IPMK: variants seen among roughly 807,000 people sequenced by gnomAD.
IPMK encodes inositol polyphosphate multikinase.
A neutral mutation model predicts 45.8 loss-of-function variants in IPMK; 17 were observed. That is an observed-to-expected ratio of 0.37 (90% CI 0.25 to 0.56). IPMK has a LOEUF of 0.56. Among genes scored for constraint, IPMK ranks in the 20% least tolerant of loss-of-function variants. The pLI is 0.79. For missense variants in IPMK, 399 were observed against 498.0 expected (o/e 0.80, Z 1.89); for synonymous variants, 180 against 184.3 (o/e 0.98, Z 0.19).
In IPMK at chr10:58,234,311, C is replaced by T. The variant is rs569537614; in HGVS notation, c.276+3418G>A. On this transcript the variant is annotated intron_variant, in intron 2 of 5. Transcript: ENST00000373935. The stretch of plus-strand genomic sequence containing the variant: ...ACTTTCTTCACAGAATTGGAAAAAA[C>T]TACTTTAAAGATCATATGGAACCAA... Among the ~76,000 whole-genome samples, 24 of 152,258 alleles carry T rather than the reference C, an allele frequency of 1.6e-4. No homozygotes were observed. The South Asian group carries it at 4.3e-3, about 28-fold the overall frequency.
chr10:58,241,981 A>G (rs1838702035), intron 1 of IPMK, among the ~76,000 whole-genome samples: 1 of 151,804 alleles, frequency 6.6e-6, no homozygotes, highest in Non-Finnish European at 1.5e-5. Context: ...AGTCAAGCAG[A>G]AGAGGTATAA....
In IPMK at chr10:58,242,646, T is replaced by C. The variant is rs367814634; in HGVS notation, c.191-4832A>G. 2.2e-4 allele frequency among the ~76,000 whole-genome samples: 33 copies of C among 150,604 alleles called. No homozygotes were observed. The East Asian group carries it at 4.9e-3, about 22-fold the overall frequency. ...ATCAGTAAATTTGGTGTCAGATAAA[T>C]AGAAATTATACAAATTGAAACACAA... On this transcript the variant is annotated intron_variant, in intron 1 of 5. Coordinates refer to ENST00000373935, the MANE Select transcript of IPMK (RefSeq NM_152230.5).
intron 3 of IPMK, among the ~76,000 whole-genome samples, chr10:58,220,689 T>C (rs1838318922): frequency 6.6e-6 from 1 of 152,132 alleles, no homozygotes; most frequent in Non-Finnish European, 1.5e-5. Context: ...CAAAATAAAA[T>C]TTCATACATT....
intron 3 of IPMK, among the ~76,000 whole-genome samples, chr10:58,218,076 AAAG>A (rs1378207862): frequency 3.3e-5 from 5 of 152,224 alleles, no homozygotes; most frequent in Non-Finnish European, 5.9e-5. Flanking sequence ...TGCTTTAGTC[AAAG>A]AAGAAGAGAG....
At chr10:58,239,848 T>C (rs1440737634) in intron 1 of IPMK, among the ~76,000 whole-genome samples, 3 of 152,128 alleles carry the variant, frequency 2.0e-5, no homozygotes, top group Non-Finnish European at 4.4e-5. Flanking sequence ...ACAGATACAC[T>C]GAAACTGAGA....
chr10:58,212,769 C>A, intron 4 of IPMK: 1 of 221,738 alleles, frequency 4.5e-6, no homozygotes, highest in South Asian at 7.4e-5. Flanking sequence ...TGATGTAGTT[C>A]TTGTAGGTGT....
Position 58,193,321 on chromosome 10 carries a change from A to G in IPMK, c.*2755T>C, listed in dbSNP as rs987109357. The G allele has an allele frequency of 2.9e-4, 44 of 151,964 alleles. No homozygotes were observed. The highest frequency in any genetic ancestry group is 1.1e-3 in the African/African-American group (44 of 41,442). 9.4% of individuals were successfully genotyped at this position (151,964 alleles called of 1,614,324 possible). On this transcript the variant is annotated 3_prime_UTR_variant, in exon 6 of 6. Coordinates refer to ENST00000373935, the MANE Select transcript of IPMK (RefSeq NM_152230.5). ...AAACAGTTTAGAGCCCCATAAGAGC[A>G]AACTGTAGTGTAAAGAGGAAAAGTA...
In IPMK at chr10:58,228,683, G is replaced by A. The variant is rs184364659; in HGVS notation, c.277-1544C>T. Reference sequence around the variant, plus strand: ...CGAGTAGCTGGGACTACAGGCGTCCGCCACCACACCCAGCTAATTTTTTAT... The same window carrying A: ...CGAGTAGCTGGGACTACAGGCGTCCACCACCACACCCAGCTAATTTTTTAT... On this transcript the variant is annotated intron_variant, in intron 2 of 5. Transcript: ENST00000373935. Among the ~76,000 whole-genome samples the A allele has an allele frequency of 4.1e-3, 619 of 152,210 alleles. 14 individuals are homozygous for A. Among genetic ancestry groups the A allele is most frequent in the Admixed American group, 0.035 (530 of 15,286 alleles).
intron 1 of IPMK, among the ~76,000 whole-genome samples, chr10:58,253,734 CAAAAAAAAAAA>C (rs1183304261): frequency 4.0e-5 from 2 of 49,886 alleles, no homozygotes; most frequent in Non-Finnish European, 7.6e-5. Context: ...ACTCCATCTC[CAAAAAAAAAAA>C]AAAAAGAAAA....
At chr10:58,236,553 G>C (rs1838615533) in intron 2 of IPMK, among the ~76,000 whole-genome samples, 3 of 152,094 alleles carry the variant, frequency 2.0e-5, no homozygotes, top group Admixed American at 2.0e-4. Flanking sequence ...CATTTCAACA[G>C]ATACCAAAAA....
chr10:58,226,957 CAGTT>C (rs1838425612), intron 3 of IPMK, 82 bp downstream of exon 3: 1 of 787,652 alleles, frequency 1.3e-6, no homozygotes, highest in Non-Finnish European at 2.1e-6. Flanking sequence ...AATACATACT[CAGTT>C]AAATTTTAAT....
At chr10:58,241,225 G>C (rs1442801836) in intron 1 of IPMK, among the ~76,000 whole-genome samples, 1 of 152,152 alleles carries the variant, frequency 6.6e-6, no homozygotes. Context: ...ACCTGAACAA[G>C]TCCCATTCCC....
At chr10:58,199,418 G>T in intron 4 of IPMK, 97 bp from the exon 5 acceptor site, 1 of 639,010 alleles carries the variant, frequency 1.6e-6, no homozygotes, top group Non-Finnish European at 2.5e-6. Flanking sequence ...ATCTACTCAG[G>T]TAATTCATTC....
chr10:58,231,472 C>T (rs930710283), intron 2 of IPMK, among the ~76,000 whole-genome samples: 7 of 152,184 alleles, frequency 4.6e-5, no homozygotes, highest in Non-Finnish European at 1.0e-4. Flanking sequence ...AGACTAACAG[C>T]GGATCTCTCG....
intron 2 of IPMK, among the ~76,000 whole-genome samples, chr10:58,230,063 A>C (rs1296001690): frequency 6.6e-6 from 1 of 152,192 alleles, no homozygotes; most frequent in Non-Finnish European, 1.5e-5. Flanking sequence ...TTGCTAGCGC[A>C]GCAGTCTGAG....
intron 1 of IPMK, among the ~76,000 whole-genome samples, chr10:58,255,657 T>TC (rs376345676): frequency 2.0e-5 from 3 of 152,140 alleles, no homozygotes; most frequent in East Asian, 1.9e-4. Context: ...CTTTTTTTTT[T>TC]CTTTTTTGTA....
intron 4 of IPMK, among the ~76,000 whole-genome samples, chr10:58,206,843 C>T (rs940615710): frequency 5.3e-5 from 8 of 152,096 alleles, no homozygotes; most frequent in African/African-American, 1.7e-4. Flanking sequence ...ATCCTCAAAA[C>T]CTAGCTCCCA....
chr10:58,248,971 T>C (rs535553403), intron 1 of IPMK, among the ~76,000 whole-genome samples: 3 of 152,358 alleles, frequency 2.0e-5, no homozygotes, highest in South Asian at 2.1e-4. Flanking sequence ...ATCTTGGCTA[T>C]TGTGAATATA....
At position 58,237,713 on chromosome 10, in the gene IPMK, A is replaced by G; in HGVS notation, c.276+16T>C. 6.3e-7 allele frequency: 1 copy of G among 1,592,434 alleles called. No homozygotes were observed. The highest frequency in any genetic ancestry group is 2.1e-4 in the Middle Eastern group (1 of 4,782). On this transcript the variant is annotated intron_variant, in intron 2 of 5. Transcript: ENST00000373935. The stretch of plus-strand genomic sequence containing the variant: ...AAACACTTTGAAGACAACAAAACAA[A>G]TCTTACCTCACTTACCATATTATAG...
Sources: gnomAD v4.1 joint callset for allele counts (sites outside exome capture counted in the v4.1 genomes callset) on GRCh38, gnomAD v4.1.1 for gene constraint, MANE v1.5 for transcripts, NCBI Gene and HGNC (gene_info 2026-07-23, HGNC 2026-07-21) for gene names.